The following AFF3 variants were observed in gnomAD, a reference collection of about 807,000 sequenced individuals.
AFF3 encodes AF4/FMR2 family member 3.
In AFF3, 32 loss-of-function variants were observed where a neutral mutation model predicts 129.7. The observed-to-expected ratio is 0.25, with a 90% confidence interval of 0.19 to 0.33. AFF3 has a LOEUF of 0.33. Among genes scored for constraint, AFF3 ranks in the 10% least tolerant of loss-of-function variants. The pLI, the probability that AFF3 is intolerant of heterozygous loss-of-function variation, is 1.00. For missense variants in AFF3, 1,373 were observed against 1,592.0 expected, an observed-to-expected ratio of 0.86 and a Z score of 2.34; for synonymous variants, 644 against 635.4, an observed-to-expected ratio of 1.01 and a Z score of -0.20.
At chr2:99,912,534 T>C (rs1487018395) in intron 7 of AFF3, among the ~76,000 whole-genome samples, 2 of 152,176 alleles carry the variant, frequency 1.3e-5, no homozygotes, top group Non-Finnish European at 2.9e-5. Context: ...CTTCCAATCA[T>C]GCAGTGATTT....
chr2:99,946,366 T>C lies in AFF3; in HGVS notation c.873+60266A>G, dbSNP rs928639858. Among the ~76,000 whole-genome samples, 10 of 149,872 alleles carry C rather than the reference T, an allele frequency of 6.7e-5. No homozygotes were observed. The Admixed American group carries it at 6.7e-4, about 10-fold the overall frequency. ...GTGGACGCCTGTAATCTCAGCTACT[T>C]GGGAGGCTGAGGCAGGAGAATTGCT... On this transcript the variant is annotated intron_variant, in intron 7 of 24. Transcript: ENST00000672756.
intron 7 of AFF3, among the ~76,000 whole-genome samples, chr2:99,922,353 C>T (rs1430284265): frequency 6.6e-6 from 1 of 152,068 alleles, no homozygotes; most frequent in Non-Finnish European, 1.5e-5. Context: ...GCCAACTGCG[C>T]TTTATTTATA....
At chr2:99,792,623 A>G (rs1386590965) in intron 8 of AFF3, among the ~76,000 whole-genome samples, 1 of 152,182 alleles carries the variant, frequency 6.6e-6, no homozygotes, top group Admixed American at 6.5e-5. Flanking sequence ...TTTTGTGGAT[A>G]CCCTTTATCA....
chr2:99,875,341 C>T (rs954101875), intron 7 of AFF3, among the ~76,000 whole-genome samples: 34 of 152,304 alleles, frequency 2.2e-4, no homozygotes, highest in African/African-American at 8.2e-4. Context: ...AGAGGCCTTT[C>T]CTGATCCTCC....
intron 16 of AFF3, among the ~76,000 whole-genome samples, chr2:99,585,199 T>C (rs1677973967): frequency 1.3e-5 from 2 of 152,222 alleles, no homozygotes; most frequent in South Asian, 4.1e-4. Context: ...TTATTTGACA[T>C]ACTTTATGAT....
At chr2:99,946,013 T>G (rs990641572) in intron 7 of AFF3, among the ~76,000 whole-genome samples, 9 of 152,156 alleles carry the variant, frequency 5.9e-5, no homozygotes, top group African/African-American at 2.2e-4. Context: ...CAAATAGAAA[T>G]TCCTTGGTTA....
chr2:99,747,465 C>A (rs2105167937), intron 9 of AFF3, among the ~76,000 whole-genome samples: 1 of 152,228 alleles, frequency 6.6e-6, no homozygotes, highest in East Asian at 1.9e-4. Flanking sequence ...GTACTACAGG[C>A]ACGCGCCGCC....
intron 7 of AFF3, among the ~76,000 whole-genome samples, chr2:99,979,624 A>C (rs1679209213): frequency 6.6e-6 from 1 of 151,938 alleles, no homozygotes; most frequent in African/African-American, 2.4e-5. Context: ...GATTACAGAC[A>C]TGCACCACCA....
chr2:99,808,450 T>C (rs1348969567), intron 8 of AFF3, among the ~76,000 whole-genome samples: 1 of 152,204 alleles, frequency 6.6e-6, no homozygotes, highest in Non-Finnish European at 1.5e-5. Context: ...GATGCCCAGG[T>C]ACCAGAACTC....
At chr2:99,649,493 G>A (rs923771281) in intron 13 of AFF3, 133 bp downstream of exon 13, 2 of 989,838 alleles carry the variant, frequency 2.0e-6, no homozygotes, top group African/African-American at 1.6e-5. Context: ...ATAAATCCAA[G>A]CATGCAAAAT....
intron 14 of AFF3, 119 bp downstream of exon 14, chr2:99,601,316 G>T: frequency 8.1e-7 from 1 of 1,238,966 alleles, no homozygotes; most frequent in Non-Finnish European, 1.1e-6. Flanking sequence ...CCAGCACCTG[G>T]CTTGGGGTCT....
intron 7 of AFF3, among the ~76,000 whole-genome samples, chr2:99,845,613 C>T (rs1404174317): frequency 6.6e-6 from 1 of 152,156 alleles, no homozygotes; most frequent in Non-Finnish European, 1.5e-5. Flanking sequence ...TTCCCACTTG[C>T]AACTTGACAT....
chr2:99,753,831 T>C (rs1260103644), intron 8 of AFF3, among the ~76,000 whole-genome samples: 1 of 152,184 alleles, frequency 6.6e-6, no homozygotes, highest in African/African-American at 2.4e-5. Context: ...ATTTTATACA[T>C]CACAAAGCAA....
intron 13 of AFF3, among the ~76,000 whole-genome samples, chr2:99,628,101 A>T (rs567949334): frequency 6.6e-6 from 1 of 152,226 alleles, no homozygotes; most frequent in Non-Finnish European, 1.5e-5. Flanking sequence ...AATTCTTTGA[A>T]GAATGTCAAT....
intron 11 of AFF3, among the ~76,000 whole-genome samples, chr2:99,724,452 T>C (rs993883454): frequency 2.0e-5 from 3 of 151,760 alleles, no homozygotes; most frequent in African/African-American, 7.3e-5. Context: ...TTTGTGTTTT[T>C]AGTAGAGGTG....
chr2:99,744,378 G>C (rs1259380434), intron 9 of AFF3, among the ~76,000 whole-genome samples: 1 of 152,038 alleles, frequency 6.6e-6, no homozygotes. Flanking sequence ...TGTTTATTGA[G>C]GTGAAGTTCA....
intron 4 of AFF3, among the ~76,000 whole-genome samples, chr2:100,070,510 A>C (rs1688091849): frequency 6.6e-6 from 1 of 152,232 alleles, no homozygotes; most frequent in African/African-American, 2.4e-5. Context: ...ATTCTCCTGA[A>C]TTATTATACG....
chr2:99,780,049 C>T (rs1269806987), intron 8 of AFF3, among the ~76,000 whole-genome samples: 10 of 152,236 alleles, frequency 6.6e-5, no homozygotes, highest in Non-Finnish European at 4.4e-5. Flanking sequence ...GTCTAATGAG[C>T]ATGTGTTCAT....
At chr2:99,613,278 T>C (rs898376715) in intron 13 of AFF3, among the ~76,000 whole-genome samples, 14 of 152,208 alleles carry the variant, frequency 9.2e-5, no homozygotes, top group African/African-American at 3.1e-4. Flanking sequence ...TTTTACCTTT[T>C]CATAGTGTTC....
Sources: allele counts gnomAD v4.1 joint callset (sites outside exome capture counted in the v4.1 genomes callset), GRCh38; gene constraint gnomAD v4.1.1; transcripts MANE v1.5; gene names NCBI Gene and HGNC (gene_info 2026-07-23, HGNC 2026-07-21).